The following CCDC69 variants were observed in gnomAD, a reference collection of about 807,000 sequenced individuals.
CCDC69 encodes coiled-coil domain containing 69, also known as coiled-coil domain-containing protein 69.
Under a neutral mutation model 40.3 loss-of-function variants are expected in CCDC69, and 38 were observed. The ratio of observed to expected loss-of-function variants is 0.94; its 90% CI spans 0.73 to 1.24. The LOEUF is 1.24. Among genes scored for constraint, CCDC69 ranks in the 50% most tolerant of loss-of-function variants. The probability of loss-of-function intolerance (pLI) is 0.00; values close to 1 mark genes in which losing one functional copy is unlikely to be tolerated. For synonymous variants in CCDC69, 141 were observed against 138.9 expected, an observed-to-expected ratio of 1.02 and a Z score of -0.11; for missense variants, 389 against 357.9, an observed-to-expected ratio of 1.09 and a Z score of -0.70.
At chr5:151,217,019 A>G (rs946277329) in intron 1 of CCDC69, among the ~76,000 whole-genome samples, 2 of 152,192 alleles carry the variant, frequency 1.3e-5, no homozygotes, top group African/African-American at 4.8e-5. Flanking sequence ...CTAATGTTCC[A>G]TAGCAACCAT....
rs1752742242 is a variant in CCDC69, at chr5:151,199,049, T to C, written c.267A>G (p.Arg89=). The change falls in exon 4 of 9, where the codon AGA becomes AGG. Residue 89 remains arginine, a synonymous_variant. Coordinates refer to ENST00000355417, the MANE Select transcript of CCDC69 (RefSeq NM_015621.3). ...CCAGGACCCTTTGCTGCTCATCCAG[T>C]CTGTCTCGAAGCTCTAGCTCCCTTT... ...EKERELELRD[R]LDEQQRVLEG... 1.2e-6 allele frequency: 2 copies of C among 1,614,142 alleles called. No homozygotes were observed. Among genetic ancestry groups the C allele is most frequent in the Non-Finnish European group, 1.7e-6 (2 of 1,180,018 alleles).
intron 4 of CCDC69, among the ~76,000 whole-genome samples, chr5:151,189,750 C>T (rs1259273340): frequency 6.6e-6 from 1 of 152,068 alleles, no homozygotes; most frequent in Non-Finnish European, 1.5e-5. Flanking sequence ...AAAAATGGTA[C>T]ACTACATATA....
intron 2 of CCDC69, among the ~76,000 whole-genome samples, chr5:151,202,593 A>G (rs1328946864): frequency 6.6e-6 from 1 of 152,274 alleles, no homozygotes; most frequent in East Asian, 1.9e-4. Flanking sequence ...TTAAAAATGT[A>G]TACAAAGGGC....
intron 6 of CCDC69, 50 bp from the exon 7 acceptor site, chr5:151,185,591 T>G: frequency 6.3e-7 from 1 of 1,592,928 alleles, no homozygotes; most frequent in South Asian, 1.1e-5. Flanking sequence ...ACCTCCCTCC[T>G]CCCCATTCTG....
chr5:151,192,939 C>T (rs1305046244), intron 4 of CCDC69, among the ~76,000 whole-genome samples: 1 of 152,056 alleles, frequency 6.6e-6, no homozygotes, highest in East Asian at 1.9e-4. Flanking sequence ...ATAAAAAATA[C>T]CAAACAACAA....
intron 7 of CCDC69, 79 bp downstream of exon 7, chr5:151,185,343 C>T (rs1391204759): frequency 1.3e-6 from 2 of 1,532,784 alleles, no homozygotes; most frequent in African/African-American, 2.7e-5. Flanking sequence ...AACCACCTCC[C>T]CTCTGCATGC....
intron 4 of CCDC69, among the ~76,000 whole-genome samples, chr5:151,195,828 C>A (rs757832539): frequency 6.6e-6 from 1 of 151,754 alleles, no homozygotes; most frequent in South Asian, 2.1e-4. Flanking sequence ...ACTTTAATTC[C>A]ATTTCACAAT....
At chr5:151,190,580 C>T (rs1317227365) in intron 4 of CCDC69, among the ~76,000 whole-genome samples, 3 of 147,990 alleles carry the variant, frequency 2.0e-5, no homozygotes, top group Admixed American at 6.9e-5. Flanking sequence ...GTAGGAGAAT[C>T]GCTTGAACCC....
chr5:151,210,839 G>C (rs1053721899), intron 1 of CCDC69: 1 of 152,046 alleles, frequency 6.6e-6, no homozygotes, highest in Non-Finnish European at 1.5e-5. Flanking sequence ...GTGGTGGCAC[G>C]TGCCTGTAAT....
At chr5:151,194,435 C>T (rs1358743359) in intron 4 of CCDC69, among the ~76,000 whole-genome samples, 1 of 152,196 alleles carries the variant, frequency 6.6e-6, no homozygotes, top group Non-Finnish European at 1.5e-5. Flanking sequence ...TGTATTATTT[C>T]ATTTATGTAA....
In CCDC69 at chr5:151,182,777, A is replaced by G. The variant is rs1463763919; in HGVS notation, c.*660T>C. ...CCCTTGGTGGACACGACTCTGGCCC[A>G]GGAATGATGCCTCAGCTGGGGAGGC... On this transcript the variant is annotated 3_prime_UTR_variant, in exon 9 of 9. Transcript: ENST00000355417. 3.0e-6 allele frequency: 1 copy of G among 336,158 alleles called. No individual in the cohort carries two copies. The highest frequency in any genetic ancestry group is 2.2e-5 in the African/African-American group (1 of 46,356). 20.8% of individuals were successfully genotyped at this position (336,158 alleles called of 1,614,324 possible). A position where few individuals can be genotyped will look rare whatever the true frequency, so the allele number is the denominator to read the frequency against.
intron 2 of CCDC69, among the ~76,000 whole-genome samples, chr5:151,204,921 T>C (rs1241476503): frequency 6.6e-6 from 1 of 152,174 alleles, no homozygotes; most frequent in Non-Finnish European, 1.5e-5. Flanking sequence ...CCTGGGTATA[T>C]TGGGTGATGC....
At chr5:151,219,835 C>T (rs569014589) in intron 1 of CCDC69, among the ~76,000 whole-genome samples, 16 of 152,146 alleles carry the variant, frequency 1.1e-4, no homozygotes, top group African/African-American at 3.6e-4. Flanking sequence ...ATTTGCTAGT[C>T]GTAGGTTTGC....
chr5:151,218,613 C>T (rs190579706), intron 1 of CCDC69, among the ~76,000 whole-genome samples: 1 of 152,360 alleles, frequency 6.6e-6, no homozygotes, highest in East Asian at 1.9e-4. Context: ...GATCTATGCA[C>T]CCTGAGATGT....
chr5:151,202,736 C>T (rs770974815), intron 2 of CCDC69, among the ~76,000 whole-genome samples: 3 of 152,156 alleles, frequency 2.0e-5, no homozygotes, highest in African/African-American at 7.2e-5. Flanking sequence ...GGAAGTCTAG[C>T]CCCTGCTTCG....
chr5:151,195,772 C>A (rs1373823243), intron 4 of CCDC69, among the ~76,000 whole-genome samples: 1 of 149,544 alleles, frequency 6.7e-6, no homozygotes, highest in African/African-American at 2.5e-5. Flanking sequence ...CACACCCACA[C>A]ACACCCACAC....
chr5:151,187,710 G>C (rs546088111), intron 4 of CCDC69, among the ~76,000 whole-genome samples: 25 of 152,294 alleles, frequency 1.6e-4, no homozygotes, highest in African/African-American at 5.8e-4. Flanking sequence ...CCAGATTGCG[G>C]GTGCCATCCA....
At chr5:151,218,429 T>A (rs1265752364) in intron 1 of CCDC69, among the ~76,000 whole-genome samples, 1 of 152,198 alleles carries the variant, frequency 6.6e-6, no homozygotes, top group Non-Finnish European at 1.5e-5. Context: ...GAAGCCCAAG[T>A]ACACCCTGAG....
At chr5:151,208,232 T>C (rs556736179) in intron 1 of CCDC69, among the ~76,000 whole-genome samples, 2 of 152,176 alleles carry the variant, frequency 1.3e-5, no homozygotes, top group East Asian at 1.9e-4. Context: ...GCCTGTGCAA[T>C]AGAGTGAGAC....
Sources: gnomAD v4.1 joint callset for allele counts (sites outside exome capture counted in the v4.1 genomes callset) on GRCh38, gnomAD v4.1.1 for gene constraint, MANE v1.5 for transcripts, NCBI Gene and HGNC (gene_info 2026-07-23, HGNC 2026-07-21) for gene names.